Variants in ARHGAP32 observed in about 807,000 individuals in gnomAD.
The protein encoded by ARHGAP32 is rho GTPase-activating protein 32.
A neutral mutation model predicts 186.5 loss-of-function variants in ARHGAP32; 51 were observed. The observed-to-expected ratio is 0.27, with a 90% CI of 0.22 to 0.35. The LOEUF is 0.35. ARHGAP32 is among the 10% of genes least tolerant of loss of function. ARHGAP32 has a pLI of 1.00. For synonymous variants in ARHGAP32, 950 were observed against 964.3 expected, an observed-to-expected ratio of 0.99 and a Z score of 0.27; for missense variants, 2,186 against 2,623.5, an observed-to-expected ratio of 0.83 and a Z score of 3.64.
At chr11:129,064,986 C>T (rs886881534) in intron 7 of ARHGAP32, 53 bp from the exon 8 acceptor site, 1 of 1,408,316 alleles carries the variant, frequency 7.1e-7, no homozygotes, top group Non-Finnish European at 9.8e-7. Context: ...TGCTCTCTGG[C>T]AGGGAAAACT....
At chr11:129,271,823 A>G (rs1386432203) in intron 1 of ARHGAP32, among the ~76,000 whole-genome samples, 1 of 152,178 alleles carries the variant, frequency 6.6e-6, no homozygotes, top group Non-Finnish European at 1.5e-5. Context: ...CAAACATTGA[A>G]CTGACCACTA....
intron 22 of ARHGAP32, 128 bp downstream of exon 22, chr11:128,972,325 T>C: frequency 1.8e-6 from 2 of 1,138,864 alleles, no homozygotes; most frequent in Non-Finnish European, 2.4e-6. Context: ...AACTATCTCA[T>C]GGAAACCAGC....
chr11:129,135,081 T>C (rs1206060070), intron 2 of ARHGAP32, among the ~76,000 whole-genome samples: 2 of 152,222 alleles, frequency 1.3e-5, no homozygotes, highest in Non-Finnish European at 2.9e-5. Context: ...TACATGCACA[T>C]GTGCCTCATT....
In ARHGAP32 at chr11:128,970,314, T is replaced by G. The variant is rs767745933; in HGVS notation, c.4899A>C (p.Gln1633His). 1 of 1,614,112 alleles carries G rather than the reference T, an allele frequency of 6.2e-7. No individual in the cohort carries two copies. The highest frequency in any genetic ancestry group is 1.1e-5 in the South Asian group (1 of 91,084). ...CCTGGGAGGACTGATATGGCTTATATTGGTACAGAGGTCTTGGGCAGTAGG... is the reference window on the plus strand; with the variant it reads ...CCTGGGAGGACTGATATGGCTTATAGTGGTACAGAGGTCTTGGGCAGTAGG... ...EPAYCPRPLY[Q>H]YKPYQSSQAR... The change falls in exon 23 of 23, where the codon CAA (glutamine) becomes CAC (histidine). Residue 1633 changes from glutamine (Q) to histidine (H), a missense_variant. Physicochemically the swap from Gln to His is conservative, Grantham distance 24. This residue lies in a region of ARHGAP32 where 1,502 missense variants were observed against 1,570.0 expected (regional missense o/e 0.96). Coordinates refer to ENST00000682385, the MANE Select transcript of ARHGAP32 (RefSeq NM_001378024.1). The surrounding 1 kb of genome is among the most constrained non-coding windows in gnomAD (Gnocchi z 5.8).
At chr11:129,211,799 A>T (rs1944585676) in intron 1 of ARHGAP32, among the ~76,000 whole-genome samples, 2 of 152,316 alleles carry the variant, frequency 1.3e-5, no homozygotes, top group South Asian at 4.1e-4. Context: ...CCCCAAAAAT[A>T]TGCTTTTACT....
chr11:129,237,590 A>ACTGATG (rs1383728266), intron 1 of ARHGAP32, among the ~76,000 whole-genome samples: 1 of 152,122 alleles, frequency 6.6e-6, no homozygotes, highest in African/African-American at 2.4e-5. Context: ...GCCTAAATGA[A>ACTGATG]CTGAGTGCAT....
At chr11:129,131,302 A>G (rs1378814489) in intron 2 of ARHGAP32, among the ~76,000 whole-genome samples, 1 of 152,224 alleles carries the variant, frequency 6.6e-6, no homozygotes, top group Non-Finnish European at 1.5e-5. Flanking sequence ...TTAAACTTCA[A>G]TTAAAAATTA....
At chr11:129,224,478 C>G (rs1282780435) in intron 1 of ARHGAP32, among the ~76,000 whole-genome samples, 1 of 151,964 alleles carries the variant, frequency 6.6e-6, no homozygotes, top group Non-Finnish European at 1.5e-5. Flanking sequence ...TGCAGCAATC[C>G]ATGGAACATT....
intron 12 of ARHGAP32, among the ~76,000 whole-genome samples, chr11:128,997,814 A>G (rs1946242650): frequency 6.6e-6 from 1 of 152,186 alleles, no homozygotes; most frequent in East Asian, 1.9e-4. Flanking sequence ...GGACTGCCTG[A>G]GCCCAGGAAT....
chr11:129,182,808 TAA>T (rs746950745), intron 1 of ARHGAP32, among the ~76,000 whole-genome samples: 1 of 151,930 alleles, frequency 6.6e-6, no homozygotes, highest in Non-Finnish European at 1.5e-5. Context: ...CATGCCAGGC[TAA>T]GTTTTTTATT....
intron 22 of ARHGAP32, 97 bp downstream of exon 22, chr11:128,972,356 G>T (rs76301868): frequency 0.31 from 417,628 of 1,356,390 alleles, 66,791 homozygotes; most frequent in Middle Eastern, 0.39. Flanking sequence ...AAAAGTAATT[G>T]TTGTGTCTGA....
intron 1 of ARHGAP32, among the ~76,000 whole-genome samples, chr11:129,231,667 T>G (rs1439134993): frequency 6.6e-6 from 1 of 152,044 alleles, no homozygotes; most frequent in Admixed American, 6.6e-5. Flanking sequence ...TGTATAAAGG[T>G]TTGTCAGTCA....
chr11:129,029,530 A>G (rs12361831), intron 11 of ARHGAP32, among the ~76,000 whole-genome samples: 36,066 of 152,038 alleles, frequency 0.24, 4,451 homozygotes, highest in African/African-American at 0.28. Context: ...GGGGCCGGGC[A>G]CGGTGGCTCA....
chr11:128,969,263 C>T lies in ARHGAP32; in HGVS notation c.5950G>A (p.Glu1984Lys). The change falls in exon 23 of 23, where the codon GAA becomes AAA. Residue 1984 changes from glutamate (E) to lysine (K), a missense_variant. Physicochemically the swap from Glu to Lys is moderately conservative, Grantham distance 56. Transcript: ENST00000682385. The surrounding 1 kb of genome is among the most constrained non-coding windows in gnomAD (Gnocchi z 4.8). Reference sequence around the variant, plus strand: ...ACGATTGACTGAGTGAGGTGTTCTTCCTCCTTGTAGCAGTCTCTGGAGTGT... The same window carrying T: ...ACGATTGACTGAGTGAGGTGTTCTTTCTCCTTGTAGCAGTCTCTGGAGTGT... Reference protein sequence around the residue: ...EKHSRDCYKEEEHLTQSIVPP... With the variant: ...EKHSRDCYKEKEHLTQSIVPP... 1.2e-6 allele frequency: 2 copies of T among 1,614,148 alleles called. No individual in the cohort carries two copies. Among genetic ancestry groups the T allele is most frequent in the East Asian group, 2.2e-5 (1 of 44,884 alleles).
intron 2 of ARHGAP32, among the ~76,000 whole-genome samples, chr11:129,154,793 G>A (rs1318131048): frequency 2.0e-5 from 3 of 152,038 alleles, no homozygotes; most frequent in African/African-American, 7.2e-5. Context: ...CACTGCTAGG[G>A]TGACAGGTGC....
At chr11:129,172,916 C>G (rs1375949048) in intron 1 of ARHGAP32, among the ~76,000 whole-genome samples, 1 of 149,958 alleles carries the variant, frequency 6.7e-6, no homozygotes, top group Non-Finnish European at 1.5e-5. Flanking sequence ...AATCCAAAAG[C>G]TAGCAAAGCA....
At position 128,967,754 on chromosome 11, in the gene ARHGAP32, A is replaced by G. The variant is rs892124446; in HGVS notation, c.*1153T>C. On this transcript the variant is annotated 3_prime_UTR_variant, in exon 23 of 23. Transcript: ENST00000682385. The stretch of plus-strand genomic sequence containing the variant: ...AACTGCCCAGAACTCCACTGGTGAA[A>G]CGGGGCTGTGAACTAAGCAGTTATT... 6.6e-6 allele frequency: 1 copy of G among 152,182 alleles called. No individual in the cohort carries two copies. The highest frequency in any genetic ancestry group is 2.4e-5 in the African/African-American group (1 of 41,444). The allele number at this position is 152,182 out of a possible 1,614,324, so 9.4% of individuals were successfully genotyped here.
chr11:128,975,343 T>G (rs578257731), intron 20 of ARHGAP32, among the ~76,000 whole-genome samples: 4 of 152,212 alleles, frequency 2.6e-5, no homozygotes, highest in South Asian at 2.1e-4. Flanking sequence ...TCTTTGTGTC[T>G]TATTTTATCA....
chr11:129,224,687 T>A (rs1944755916), intron 1 of ARHGAP32, among the ~76,000 whole-genome samples: 1 of 150,012 alleles, frequency 6.7e-6, no homozygotes, highest in Non-Finnish European at 1.5e-5. Flanking sequence ...AGAACTGTCA[T>A]TATATCAACC....
Sources: gnomAD v4.1 joint callset for allele counts (sites outside exome capture counted in the v4.1 genomes callset) on GRCh38, gnomAD v4.1.1 for gene constraint, gnomAD v4.1.1 regional missense constraint, Gnocchi (gnomAD v3.1) non-coding constraint, MANE v1.5 for transcripts, NCBI Gene and HGNC (gene_info 2026-07-23, HGNC 2026-07-21) for gene names.